Variants in ALPK1 observed in about 807,000 individuals in gnomAD.
ALPK1 encodes alpha-protein kinase 1.
ALPK1 carries 110 observed loss-of-function variants against 120.6 expected under a neutral mutation model. The observed-to-expected ratio is 0.91, with a 90% confidence interval of 0.78 to 1.07. The LOEUF (loss-of-function observed/expected upper bound fraction) is 1.07. ALPK1 is among the 50% of genes least tolerant of loss of function. The pLI is 0.00. For synonymous variants in ALPK1, 582 were observed against 560.3 expected, an observed-to-expected ratio of 1.04 and a Z score of -0.55; for missense variants, 1,498 against 1,483.9, an observed-to-expected ratio of 1.01 and a Z score of -0.16.
In ALPK1 at chr4:112,435,274, A is replaced by G. The variant is rs1309155873; in HGVS notation, c.3161A>G (p.His1054Arg). Reference sequence around the variant, plus strand: ...CAAAGAAATGCTTTTTGGGTTCATCATCTTCATCAAGAAGAAATTCTGGGG... The same window carrying G: ...CAAAGAAATGCTTTTTGGGTTCATCGTCTTCATCAAGAAGAAATTCTGGGG... ...GRQRNAFWVHHLHQEEILGRY... is the reference protein window; with the variant it reads ...GRQRNAFWVHRLHQEEILGRY... The change falls in exon 12 of 16, where the codon CAT (histidine) becomes CGT (arginine). Residue 1054 changes from histidine (H) to arginine (R), a missense_variant. His to Arg is a conservative substitution (Grantham distance 29, BLOSUM62 0). Coordinates refer to ENST00000650871, the MANE Select transcript of ALPK1 (RefSeq NM_025144.4). The G allele has an allele frequency of 1.2e-6, 2 of 1,611,172 alleles. No individual in the cohort carries two copies. The highest frequency in any genetic ancestry group is 1.7e-5 in the Admixed American group (1 of 59,034).
At chr4:112,305,181 C>T (rs888144991) in intron 1 of ALPK1, among the ~76,000 whole-genome samples, 2 of 152,008 alleles carry the variant, frequency 1.3e-5, no homozygotes, top group Non-Finnish European at 2.9e-5. Flanking sequence ...AGTCAGGTAG[C>T]ATGATGCCTC....
intron 1 of ALPK1, among the ~76,000 whole-genome samples, chr4:112,300,932 G>A (rs887240341): frequency 6.6e-6 from 1 of 152,088 alleles, no homozygotes; most frequent in Admixed American, 6.6e-5. Context: ...CTTAACCCCA[G>A]CACATCTGGT....
At chr4:112,324,974 AGGG>A (rs200249583) in intron 2 of ALPK1, among the ~76,000 whole-genome samples, 1 of 113,684 alleles carries the variant, frequency 8.8e-6, no homozygotes, top group Non-Finnish European at 1.8e-5. Context: ...ACCAAAAAAA[AGGG>A]GGGGGGGGGC....
At chr4:112,385,105 A>C (rs1732094766) in intron 4 of ALPK1, among the ~76,000 whole-genome samples, 1 of 151,830 alleles carries the variant, frequency 6.6e-6, no homozygotes, top group African/African-American at 2.4e-5. Flanking sequence ...ACTGGGGTTT[A>C]CTCCCCTTGT....
chr4:112,440,813 G>GT (rs1491182734), intron 14 of ALPK1, 104 bp from the exon 15 acceptor site: 10 of 866,678 alleles, frequency 1.2e-5, no homozygotes, highest in African/African-American at 8.6e-5. Flanking sequence ...ATCTCTTTAA[G>GT]TGTGTGTGTG....
At chr4:112,375,849 T>G (rs1225878550) in intron 2 of ALPK1, among the ~76,000 whole-genome samples, 2 of 152,152 alleles carry the variant, frequency 1.3e-5, no homozygotes, top group Non-Finnish European at 2.9e-5. Flanking sequence ...CAGCTTAACA[T>G]TACTAGCTGT....
At chr4:112,327,428 T>C (rs1413149219) in intron 2 of ALPK1, among the ~76,000 whole-genome samples, 1 of 152,096 alleles carries the variant, frequency 6.6e-6, no homozygotes, top group East Asian at 1.9e-4. Flanking sequence ...GTGAAAAGTG[T>C]TTTCTGTTTT....
chr4:112,377,747 A>G lies in ALPK1; in HGVS notation c.-31A>G. 1 of 1,593,690 alleles carries G rather than the reference A, an allele frequency of 6.3e-7. No individual in the cohort carries two copies. Among genetic ancestry groups the G allele is most frequent in the Middle Eastern group, 1.7e-4 (1 of 6,004 alleles). ...TCTCCTAGGTAATTGATCACCCTAGACCCAGGGACACCCAATTCATCGTAA... is the reference window on the plus strand; with the variant it reads ...TCTCCTAGGTAATTGATCACCCTAGGCCCAGGGACACCCAATTCATCGTAA... On this transcript the variant is annotated 5_prime_UTR_variant, in exon 3 of 16. Coordinates refer to ENST00000650871, the MANE Select transcript of ALPK1 (RefSeq NM_025144.4).
At chr4:112,303,763 C>A (rs1339598571) in intron 1 of ALPK1, among the ~76,000 whole-genome samples, 1 of 151,316 alleles carries the variant, frequency 6.6e-6, no homozygotes, top group African/African-American at 2.4e-5. Context: ...ATGTGCACAA[C>A]ATGCAGGTTT....
At chr4:112,400,473 GAGA>G (rs1283634668) in intron 4 of ALPK1, among the ~76,000 whole-genome samples, 3 of 152,326 alleles carry the variant, frequency 2.0e-5, no homozygotes, top group East Asian at 1.9e-4. Context: ...GTTGGAAAGA[GAGA>G]AGGAGGTAGA....
intron 2 of ALPK1, among the ~76,000 whole-genome samples, chr4:112,365,487 A>AAT (rs1731101133): frequency 6.6e-6 from 1 of 152,218 alleles, no homozygotes; most frequent in Non-Finnish European, 1.5e-5. Flanking sequence ...AATACTTAGG[A>AAT]ATATACCTAA....
intron 1 of ALPK1, among the ~76,000 whole-genome samples, chr4:112,308,568 A>G (rs531557412): frequency 1.3e-5 from 2 of 152,130 alleles, no homozygotes; most frequent in South Asian, 2.1e-4. Context: ...CATTCATCAC[A>G]TATTTCTTGT....
At chr4:112,420,474 T>C (rs1052759189) in intron 5 of ALPK1, among the ~76,000 whole-genome samples, 2 of 152,180 alleles carry the variant, frequency 1.3e-5, no homozygotes, top group Non-Finnish European at 2.9e-5. Context: ...TGAAGTAGGT[T>C]TAGGGACAAA....
intron 2 of ALPK1, chr4:112,359,496 A>G: frequency 3.8e-6 from 1 of 265,786 alleles, no homozygotes; most frequent in Non-Finnish European, 7.4e-6. Context: ...AGACCTGGCC[A>G]GCCAGCCCAA....
At chr4:112,396,071 A>G (rs1269964196) in intron 4 of ALPK1, among the ~76,000 whole-genome samples, 1 of 152,192 alleles carries the variant, frequency 6.6e-6, no homozygotes, top group African/African-American at 2.4e-5. Flanking sequence ...ATTAGGAAAG[A>G]AAGAAAGAAA....
At chr4:112,359,045 A>C in intron 2 of ALPK1, 1 of 760,166 alleles carries the variant, frequency 1.3e-6, no homozygotes, top group Non-Finnish European at 2.5e-6. Flanking sequence ...GCATTCCCCA[A>C]AGGCAGCGGA....
intron 2 of ALPK1, among the ~76,000 whole-genome samples, chr4:112,345,098 TA>T (rs2148707990): frequency 6.6e-6 from 1 of 152,358 alleles, no homozygotes; most frequent in South Asian, 2.1e-4. Context: ...TCGGTAAAAG[TA>T]GGCATGGCTG....
intron 2 of ALPK1, 24 bp from the exon 3 acceptor site, chr4:112,377,654 C>G (rs1165308409): frequency 4.3e-6 from 4 of 926,234 alleles, no homozygotes; most frequent in Non-Finnish European, 6.2e-6. Flanking sequence ...AGTTAATCAT[C>G]TTTCCCTCTC....
intron 1 of ALPK1, among the ~76,000 whole-genome samples, chr4:112,306,029 C>G (rs1422584013): frequency 6.6e-6 from 1 of 152,038 alleles, no homozygotes; most frequent in Admixed American, 6.5e-5. Context: ...GTCTTTGGTT[C>G]TATTTATATG....
Sources: allele counts gnomAD v4.1 joint callset (sites outside exome capture counted in the v4.1 genomes callset), GRCh38; gene constraint gnomAD v4.1.1; transcripts MANE v1.5; gene names NCBI Gene and HGNC (gene_info 2026-07-23, HGNC 2026-07-21).